Variants in ALDH1A2 observed in about 807,000 individuals in gnomAD.
The protein encoded by ALDH1A2 is retinal dehydrogenase 2.
ALDH1A2 carries 27 observed loss-of-function variants against 60.3 expected under a neutral mutation model. The ratio of observed to expected loss-of-function variants is 0.45; its 90% CI spans 0.33 to 0.62. ALDH1A2 has a LOEUF of 0.62. Among genes scored for constraint, ALDH1A2 ranks in the 20% least tolerant of loss-of-function variants. The probability of loss-of-function intolerance (pLI) is 0.02; values close to 1 mark genes in which losing one functional copy is unlikely to be tolerated. For missense variants in ALDH1A2, 581 were observed against 643.8 expected, an observed-to-expected ratio of 0.90 and a Z score of 1.06; for synonymous variants, 289 against 232.4, an observed-to-expected ratio of 1.24 and a Z score of -2.21.
chr15:57,982,772 G>T (rs1894559195), intron 7 of ALDH1A2, among the ~76,000 whole-genome samples: 1 of 152,154 alleles, frequency 6.6e-6, no homozygotes, highest in South Asian at 2.1e-4. Flanking sequence ...TGATTCATGG[G>T]AAATCACTGT....
At chr15:57,970,673 A>G (rs1340773015) in intron 7 of ALDH1A2, among the ~76,000 whole-genome samples, 1 of 152,136 alleles carries the variant, frequency 6.6e-6, no homozygotes, top group Non-Finnish European at 1.5e-5. Context: ...GTGAGTTCCT[A>G]CTCAGAGCTA....
intron 1 of ALDH1A2, among the ~76,000 whole-genome samples, chr15:58,016,112 G>T (rs1472480988): frequency 6.7e-6 from 1 of 149,594 alleles, no homozygotes; most frequent in Non-Finnish European, 1.5e-5. Flanking sequence ...AACCTTTGCA[G>T]TATCACCAAG....
chr15:57,997,132 G>A, intron 4 of ALDH1A2, among the ~76,000 whole-genome samples: 1 of 151,988 alleles, frequency 6.6e-6, no homozygotes, highest in Non-Finnish European at 1.5e-5. Flanking sequence ...TCTATTACGA[G>A]AAAAAATAGC....
chr15:58,003,526 G>A (rs533385599), intron 4 of ALDH1A2, among the ~76,000 whole-genome samples: 1 of 151,820 alleles, frequency 6.6e-6, no homozygotes, highest in African/African-American at 2.4e-5. Context: ...CTAACATATC[G>A]TAAGTCCATT....
chr15:57,995,234 A>AC lies in ALDH1A2; in HGVS notation c.494-96_494-95insG, dbSNP rs1895016086. The stretch of plus-strand genomic sequence containing the variant: ...GGTGGCTGCAAAAAAAAAAAAAAAA[A>AC]AACAAACAGAAATAAACTTGAAAAA... On this transcript the variant is annotated intron_variant, in intron 4 of 12. Transcript: ENST00000249750. 4.2e-6 allele frequency: 3 copies of AC among 721,636 alleles called. No homozygotes were observed. In the Admixed American group the frequency reaches 7.5e-5, roughly 18 times the overall value. The allele number at this position is 721,636 out of a possible 1,614,324, so 44.7% of individuals were successfully genotyped here.
chr15:58,059,356 G>C (rs185278648), intron 1 of ALDH1A2, among the ~76,000 whole-genome samples: 3 of 152,146 alleles, frequency 2.0e-5, no homozygotes, highest in Admixed American at 6.5e-5. Context: ...AAATAGCCAC[G>C]GCCTGGTGCT....
rs184720941 is a variant in ALDH1A2 at position 58,023,954 on chromosome 15, G to A, written c.118-9673C>T. Among the ~76,000 whole-genome samples, 593 of 152,270 alleles carry A rather than the reference G, an allele frequency of 3.9e-3. 3 individuals are homozygous for A. Among genetic ancestry groups the A allele is most frequent in the African/African-American group, 0.014 (561 of 41,554 alleles). On this transcript the variant is annotated intron_variant, in intron 1 of 12. Transcript: ENST00000249750. ...ACTGAAAATACAAAATTAGCCAGGC[G>A]TGGTGGCACATGCCTGTAATCTCAG...
intron 7 of ALDH1A2, among the ~76,000 whole-genome samples, chr15:57,979,017 A>T (rs1386484702): frequency 1.3e-5 from 2 of 152,148 alleles, no homozygotes; most frequent in Non-Finnish European, 2.9e-5. Flanking sequence ...ACTGGGCAAC[A>T]ACTACTAAGA....
rs1312828698 is a variant in ALDH1A2 at position 58,013,401 on chromosome 15, A to C, written c.363+457T>G. ...CATGGCAAGCTCCAGTTTTCTCTTC[A>C]AAATTCAGTGAGAAAAGATATTCAG... On this transcript the variant is annotated intron_variant, in intron 3 of 12. Coordinates refer to ENST00000249750, the MANE Select transcript of ALDH1A2 (RefSeq NM_003888.4). 1.3e-5 allele frequency among the ~76,000 whole-genome samples: 2 copies of C among 152,156 alleles called. 1 individual carries two copies. The highest frequency in any genetic ancestry group is 2.9e-5 in the Non-Finnish European group (2 of 68,030).
chr15:58,049,856 A>C (rs1896732663), intron 1 of ALDH1A2, among the ~76,000 whole-genome samples: 1 of 152,032 alleles, frequency 6.6e-6, no homozygotes, highest in African/African-American at 2.4e-5. Flanking sequence ...TGAGAATGTA[A>C]CATGATTTCT....
intron 1 of ALDH1A2, among the ~76,000 whole-genome samples, chr15:58,061,076 T>C (rs1045084413): frequency 2.6e-5 from 4 of 152,154 alleles, no homozygotes; most frequent in Non-Finnish European, 4.4e-5. Flanking sequence ...CTATCATTCA[T>C]CATTTTATAG....
intron 7 of ALDH1A2, among the ~76,000 whole-genome samples, chr15:57,966,043 G>T (rs4646620): frequency 6.6e-6 from 1 of 151,924 alleles, no homozygotes; most frequent in Non-Finnish European, 1.5e-5. Flanking sequence ...CTTTAGTTTC[G>T]TGATGGAAGG....
intron 1 of ALDH1A2, among the ~76,000 whole-genome samples, chr15:58,039,744 T>C (rs1896468625): frequency 6.6e-6 from 1 of 151,688 alleles, no homozygotes; most frequent in Non-Finnish European, 1.5e-5. Context: ...ACTCACAACA[T>C]TGATTATTAA....
intron 1 of ALDH1A2, among the ~76,000 whole-genome samples, chr15:58,042,955 T>C (rs1896555040): frequency 6.6e-6 from 1 of 151,964 alleles, no homozygotes; most frequent in Admixed American, 6.6e-5. Flanking sequence ...GTTTGTTATT[T>C]AAACTGACTG....
At chr15:57,970,156 G>T (rs1328339383) in intron 7 of ALDH1A2, among the ~76,000 whole-genome samples, 1 of 152,234 alleles carries the variant, frequency 6.6e-6, no homozygotes, top group Non-Finnish European at 1.5e-5. Flanking sequence ...GAAGTAGCTT[G>T]TTACAAGTAG....
intron 7 of ALDH1A2, among the ~76,000 whole-genome samples, chr15:57,977,448 G>A (rs1211759936): frequency 6.6e-6 from 1 of 152,140 alleles, no homozygotes; most frequent in Non-Finnish European, 1.5e-5. Context: ...TCCAGTTACT[G>A]TTTTCTGGAT....
chr15:58,026,775 C>G (rs1408960665), intron 1 of ALDH1A2, among the ~76,000 whole-genome samples: 1 of 152,204 alleles, frequency 6.6e-6, no homozygotes, highest in African/African-American at 2.4e-5. Flanking sequence ...GCTAGTGCAG[C>G]AGTCTGAGAT....
chr15:58,042,239 C>T (rs1056277323), intron 1 of ALDH1A2, among the ~76,000 whole-genome samples: 2 of 151,908 alleles, frequency 1.3e-5, no homozygotes, highest in East Asian at 1.9e-4. Context: ...AGTTCATATA[C>T]GACCTCTTGA....
intron 1 of ALDH1A2, among the ~76,000 whole-genome samples, chr15:58,020,874 A>C (rs996085010): frequency 2.0e-5 from 3 of 152,192 alleles, no homozygotes; most frequent in Admixed American, 6.5e-5. Flanking sequence ...TGGATTTATC[A>C]ACATATTCCT....
Sources: gnomAD v4.1 joint callset for allele counts (sites outside exome capture counted in the v4.1 genomes callset) on GRCh38, gnomAD v4.1.1 for gene constraint, MANE v1.5 for transcripts, NCBI Gene and HGNC (gene_info 2026-07-23, HGNC 2026-07-21) for gene names.